CTNNA1: variants seen among roughly 807,000 people sequenced by gnomAD.
CTNNA1 encodes catenin alpha 1.
CTNNA1 carries 37 observed loss-of-function variants against 98.4 expected under a neutral mutation model. The ratio of observed to expected loss-of-function variants is 0.38; its 90% CI spans 0.29 to 0.49. The LOEUF is 0.49. Ranked by LOEUF, CTNNA1 falls within the 20% of genes least tolerant of loss-of-function variation. The probability of loss-of-function intolerance (pLI) is 0.95; values close to 1 mark genes in which losing one functional copy is unlikely to be tolerated. For synonymous variants in CTNNA1, 404 were observed against 413.2 expected (o/e 0.98, Z 0.27); for missense variants, 761 against 1,147.2 (o/e 0.66, Z 4.86).
intron 8 of CTNNA1, among the ~76,000 whole-genome samples, chr5:138,886,620 A>G (rs1258383019): frequency 6.6e-6 from 1 of 152,166 alleles, no homozygotes; most frequent in Non-Finnish European, 1.5e-5. Context: ...ACTATGTACA[A>G]TAGAGACAGA....
At chr5:138,805,923 G>C (rs1354769231) in intron 3 of CTNNA1, among the ~76,000 whole-genome samples, 1 of 151,636 alleles carries the variant, frequency 6.6e-6, no homozygotes, top group Non-Finnish European at 1.5e-5. Context: ...CCTGTTTTTT[G>C]TTCTGTTGTT....
intron 3 of CTNNA1, among the ~76,000 whole-genome samples, chr5:138,806,826 G>C (rs938096203): frequency 1.4e-4 from 21 of 152,084 alleles, no homozygotes; most frequent in Non-Finnish European, 2.6e-4. Context: ...TCTACAAAGA[G>C]CATAAATACT....
At chr5:138,931,102 G>C in intron 16 of CTNNA1, 167 bp downstream of exon 16, 1 of 607,558 alleles carries the variant, frequency 1.6e-6, no homozygotes, top group Non-Finnish European at 3.0e-6. Context: ...CTCTAGAGCG[G>C]ATGTGTATGT....
chr5:138,795,732 G>C lies in CTNNA1; in HGVS notation c.301+12360G>C, dbSNP rs1245365968. 2.0e-5 allele frequency among the ~76,000 whole-genome samples: 3 copies of C among 152,086 alleles called. No homozygotes were observed. In the East Asian group the frequency reaches 5.8e-4, roughly 29 times the overall value. ...GCAGTTTTATTATAGGCTTGCCTGT[G>C]ATGTTGGTTACTTTCTCTCTTTTTT... On this transcript the variant is annotated intron_variant, in intron 3 of 17. Coordinates refer to ENST00000302763, the MANE Select transcript of CTNNA1 (RefSeq NM_001903.5).
chr5:138,830,392 T>A (rs1156966933), intron 7 of CTNNA1, among the ~76,000 whole-genome samples: 1 of 152,102 alleles, frequency 6.6e-6, no homozygotes, highest in Non-Finnish European at 1.5e-5. Context: ...GAAAGAAATC[T>A]TCTTGAGATT....
At chr5:138,912,437 C>T (rs1760850271) in intron 10 of CTNNA1, among the ~76,000 whole-genome samples, 3 of 152,232 alleles carry the variant, frequency 2.0e-5, no homozygotes, top group South Asian at 2.1e-4. Flanking sequence ...GGAAACAAAA[C>T]GGAAATAGTG....
chr5:138,909,713 C>T (rs1760120369), intron 10 of CTNNA1, among the ~76,000 whole-genome samples: 1 of 152,128 alleles, frequency 6.6e-6, no homozygotes, highest in African/African-American at 2.4e-5. Flanking sequence ...TTCCTTCTGC[C>T]TCCCTAGATT....
At chr5:138,857,824 G>T (rs1251428711) in intron 7 of CTNNA1, among the ~76,000 whole-genome samples, 1 of 152,136 alleles carries the variant, frequency 6.6e-6, no homozygotes, top group Non-Finnish European at 1.5e-5. Context: ...AACACTGTAA[G>T]GACTAGTTGA....
intron 3 of CTNNA1, among the ~76,000 whole-genome samples, chr5:138,789,452 G>C (rs1247279626): frequency 6.6e-6 from 1 of 152,014 alleles, no homozygotes; most frequent in Non-Finnish European, 1.5e-5. Flanking sequence ...TGGCAGGAGA[G>C]GTTTTTGTTT....
intron 3 of CTNNA1, among the ~76,000 whole-genome samples, chr5:138,802,752 G>T (rs1757709473): frequency 6.6e-6 from 1 of 151,512 alleles, no homozygotes; most frequent in Non-Finnish European, 1.5e-5. Context: ...TTTGTTTTTT[G>T]ACTTCTGAGT....
At chr5:138,797,993 C>T (rs1251154670) in intron 3 of CTNNA1, among the ~76,000 whole-genome samples, 9 of 152,124 alleles carry the variant, frequency 5.9e-5, no homozygotes, top group African/African-American at 1.7e-4. Context: ...GCACTATAGA[C>T]AGTGGAGTGA....
At chr5:138,783,005 G>T (rs1458835101) in intron 2 of CTNNA1, among the ~76,000 whole-genome samples, 172 bp from the exon 3 acceptor site, 1 of 152,158 alleles carries the variant, frequency 6.6e-6, no homozygotes, top group Non-Finnish European at 1.5e-5. Flanking sequence ...AATTATTTTG[G>T]AAATTAAATA....
At chr5:138,813,057 A>G (rs1336773898) in intron 5 of CTNNA1, among the ~76,000 whole-genome samples, 1 of 152,248 alleles carries the variant, frequency 6.6e-6, no homozygotes, top group Middle Eastern at 3.2e-3. Context: ...TGGAGTTTGC[A>G]GAAAACCCAG....
Position 138,759,980 on chromosome 5 carries a change from C to CTTTTT in CTNNA1, c.-3+6495_-3+6499dup, listed in dbSNP as rs70982734. ...GGAATCCTCTCCCAGAATTTCTTTC[C>CTTTTT]TTTTTTTTTTTTTTTTTTTTTTTTT... On this transcript the variant is annotated intron_variant, in intron 1 of 17. Coordinates refer to ENST00000302763, the MANE Select transcript of CTNNA1 (RefSeq NM_001903.5). 6.5e-4 allele frequency among the ~76,000 whole-genome samples: 40 copies of CTTTTT among 61,246 alleles called. 2 individuals carry two copies. The highest frequency in any genetic ancestry group is 1.6e-3 in the African/African-American group (20 of 12,896). 40.2% of individuals were successfully genotyped at this position (61,246 alleles called of 152,430 possible).
At chr5:138,778,771 C>T (rs1754698551) in intron 1 of CTNNA1, among the ~76,000 whole-genome samples, 1 of 152,204 alleles carries the variant, frequency 6.6e-6, no homozygotes, top group African/African-American at 2.4e-5. Context: ...TTCATATTAG[C>T]ATGGACTCAT....
At chr5:138,829,112 A>T (rs1162634613) in intron 7 of CTNNA1, among the ~76,000 whole-genome samples, 3 of 152,042 alleles carry the variant, frequency 2.0e-5, no homozygotes, top group African/African-American at 7.2e-5. Flanking sequence ...ACAGAGCGAG[A>T]GTGTCTCAAA....
intron 3 of CTNNA1, among the ~76,000 whole-genome samples, chr5:138,808,108 T>G (rs1254501696): frequency 6.6e-6 from 1 of 152,220 alleles, no homozygotes; most frequent in East Asian, 1.9e-4. Flanking sequence ...GCTTTTCAGA[T>G]AAATTCTTCC....
chr5:138,929,231 TTGTC>T lies in CTNNA1; in HGVS notation c.1900-12_1900-9del, dbSNP rs754625352. On this transcript the variant is annotated splice_polypyrimidine_tract_variant and intron_variant, in intron 13 of 17. Transcript: ENST00000302763. ...CAGAGATGTGTCTGACCTGTGATCT[TTGTC>T]TGGGTGGCAGACCCCTGAGGAGTTG... 40 of 1,429,410 alleles carry T rather than the reference TTGTC, an allele frequency of 2.8e-5. No homozygotes were observed. The highest frequency in any genetic ancestry group is 1.7e-4 in the Middle Eastern group (1 of 5,722). 88.5% of individuals were successfully genotyped at this position (1,429,410 alleles called of 1,614,324 possible).
chr5:138,934,638 G>A lies in CTNNA1; in HGVS notation c.*549G>A, dbSNP rs1766155103. On this transcript the variant is annotated 3_prime_UTR_variant, in exon 18 of 18. Transcript: ENST00000302763. ...AAACTGATTCTCTATGACATGAAAT[G>A]AAAATTTTAATGCATTGTTATAATT... is the stretch of plus-strand genomic sequence containing the variant. The A allele has an allele frequency of 6.5e-6, 1 of 153,188 alleles. No homozygotes were observed. 9.5% of individuals were successfully genotyped at this position (153,188 alleles called of 1,614,324 possible).
Sources: gnomAD v4.1 joint callset for allele counts (sites outside exome capture counted in the v4.1 genomes callset) on GRCh38, gnomAD v4.1.1 for gene constraint, MANE v1.5 for transcripts, NCBI Gene and HGNC (gene_info 2026-07-23, HGNC 2026-07-21) for gene names.